Variants in COL11A1 observed in about 807,000 individuals in gnomAD.
The protein encoded by COL11A1 is collagen alpha-1(XI) chain.
In COL11A1, 74 loss-of-function variants were observed where a neutral mutation model predicts 265.2. The ratio of observed to expected loss-of-function variants is 0.28; its 90% CI spans 0.23 to 0.34. COL11A1 has a LOEUF of 0.34. Ranked by LOEUF, COL11A1 falls within the 10% of genes least tolerant of loss-of-function variation. The pLI is 1.00. For synonymous variants in COL11A1, 816 were observed against 727.6 expected (o/e 1.12, Z -1.96); for missense variants, 2,165 against 2,263.6 (o/e 0.96, Z 0.88).
intron 15 of COL11A1, among the ~76,000 whole-genome samples, 166 bp downstream of exon 15, chr1:103,008,297 C>T (rs985892849): frequency 1.3e-5 from 2 of 152,022 alleles, no homozygotes; most frequent in Admixed American, 6.6e-5. Flanking sequence ...ACCCAAATAT[C>T]GTAATCAGTT....
chr1:102,958,464 A>G (rs1660581748), intron 41 of COL11A1, among the ~76,000 whole-genome samples: 2 of 152,184 alleles, frequency 1.3e-5, no homozygotes, highest in Non-Finnish European at 2.9e-5. Context: ...GTCATTTGGA[A>G]TTAAAAAATT....
chr1:103,028,858 A>G (rs1667764106), intron 5 of COL11A1, among the ~76,000 whole-genome samples: 1 of 152,176 alleles, frequency 6.6e-6, no homozygotes. Flanking sequence ...AAGAAAGAAT[A>G]TCAAAAGGAA....
intron 5 of COL11A1, among the ~76,000 whole-genome samples, chr1:103,027,932 C>CT (rs1667676538): frequency 6.6e-6 from 1 of 152,174 alleles, no homozygotes; most frequent in South Asian, 2.1e-4. Context: ...CAAATGTTGA[C>CT]TAACCAGGCT....
intron 15 of COL11A1, among the ~76,000 whole-genome samples, chr1:103,006,817 C>A (rs573628872): frequency 6.6e-6 from 1 of 152,100 alleles, no homozygotes; most frequent in South Asian, 2.1e-4. Context: ...CGTGAGCCAC[C>A]GCGCCCGGCC....
intron 4 of COL11A1, among the ~76,000 whole-genome samples, chr1:103,055,987 A>T (rs905916543): frequency 1.3e-5 from 2 of 152,230 alleles, no homozygotes; most frequent in African/African-American, 4.8e-5. Flanking sequence ...TCTGTAAATT[A>T]TGCAGATTAT....
At chr1:102,917,960 A>G (rs906728041) in intron 49 of COL11A1, among the ~76,000 whole-genome samples, 3 of 151,634 alleles carry the variant, frequency 2.0e-5, no homozygotes, top group African/African-American at 7.2e-5. Flanking sequence ...GTAAAATGAC[A>G]ATTAGCTAAA....
intron 5 of COL11A1, among the ~76,000 whole-genome samples, chr1:103,028,037 G>T (rs1346024213): frequency 1.3e-5 from 2 of 151,752 alleles, no homozygotes; most frequent in African/African-American, 4.8e-5. Context: ...GTTTTGTTTT[G>T]TTTTGTTTTT....
chr1:102,974,947 T>C (rs569692648), intron 35 of COL11A1, 64 bp from the exon 36 acceptor site: 1 of 1,217,900 alleles, frequency 8.2e-7, no homozygotes, highest in Admixed American at 1.7e-5. Flanking sequence ...CTTTATACTT[T>C]GAGGTTTATT....
At chr1:102,926,569 T>G (rs777542939) in intron 46 of COL11A1, among the ~76,000 whole-genome samples, 2 of 152,170 alleles carry the variant, frequency 1.3e-5, no homozygotes, top group Non-Finnish European at 2.9e-5. Context: ...CATCATTCAG[T>G]TTCCTGATTT....
chr1:103,074,865 T>A, intron 3 of COL11A1, 85 bp from the exon 4 acceptor site: 1 of 1,467,772 alleles, frequency 6.8e-7, no homozygotes, highest in Non-Finnish European at 9.4e-7. Context: ...CTGTGTATTT[T>A]AAATTATAAA....
At chr1:103,099,523 A>T (rs1461675299) in intron 1 of COL11A1, among the ~76,000 whole-genome samples, 2 of 150,752 alleles carry the variant, frequency 1.3e-5, no homozygotes, top group Non-Finnish European at 3.0e-5. Flanking sequence ...CTAATAAGCA[A>T]AGTCAGACAA....
In COL11A1 at chr1:103,025,530, C is replaced by T; in HGVS notation, c.981G>A (p.Gly327=). ...TGTCTATACGTATTACCTCATTTGTCCCAGAAACATGCCTAGGAGCTTCTG... is the reference window on the plus strand; with the variant it reads ...TGTCTATACGTATTACCTCATTTGTTCCAGAAACATGCCTAGGAGCTTCTG... The part of the protein sequence containing the change: ...YQTEAPRHVS[G]TNEPNPVEEI... Residue 327 remains glycine (G), a synonymous_variant, in exon 7 of 67, where the codon GGG becomes GGA. Coordinates refer to ENST00000370096, the MANE Select transcript of COL11A1 (RefSeq NM_001854.4). The T allele has an allele frequency of 6.2e-7, 1 of 1,611,164 alleles. No individual in the cohort carries two copies. Among genetic ancestry groups the T allele is most frequent in the Non-Finnish European group, 8.5e-7 (1 of 1,177,618 alleles).
Position 102,962,698 on chromosome 1 carries a change from A to G in COL11A1, c.2979T>C (p.Pro993=). 2 of 1,614,138 alleles carry G rather than the reference A, an allele frequency of 1.2e-6. No homozygotes were observed. The highest frequency in any genetic ancestry group is 1.7e-6 in the Non-Finnish European group (2 of 1,179,996). The change falls in exon 39 of 67, where the codon CCT becomes CCC. Residue 993 remains proline, a synonymous_variant. Coordinates refer to ENST00000370096, the MANE Select transcript of COL11A1 (RefSeq NM_001854.4). The stretch of plus-strand genomic sequence containing the variant: ...CAGCACCAGGAAGACCTTGCTCACC[A>G]GGAGGGCCAGGAGGGCCAGGATGCC... ...ERGHPGPPGP[P]GEQGLPGAAG...
intron 46 of COL11A1, among the ~76,000 whole-genome samples, chr1:102,933,425 C>T (rs1657747618): frequency 6.6e-6 from 1 of 150,522 alleles, no homozygotes; most frequent in Admixed American, 6.6e-5. Context: ...GTCAGGGACC[C>T]ACTTGAGGAG....
intron 55 of COL11A1, 71 bp from the exon 56 acceptor site, chr1:102,898,844 G>T: frequency 7.0e-7 from 1 of 1,418,924 alleles, no homozygotes; most frequent in East Asian, 2.5e-5. Flanking sequence ...TAAATGCACT[G>T]AAAAAAGTAG....
At chr1:103,053,904 C>T in intron 4 of COL11A1, among the ~76,000 whole-genome samples, 1 of 152,122 alleles carries the variant, frequency 6.6e-6, no homozygotes, top group East Asian at 1.9e-4. Flanking sequence ...TATAAAACCT[C>T]CTTTTAGAAA....
intron 64 of COL11A1, among the ~76,000 whole-genome samples, chr1:102,882,481 A>C (rs1399996321): frequency 6.6e-6 from 1 of 152,070 alleles, no homozygotes; most frequent in Non-Finnish European, 1.5e-5. Context: ...CCCACTCTTT[A>C]CTCAGAAACT....
chr1:102,886,690 C>T, intron 63 of COL11A1, 117 bp downstream of exon 63: 2 of 1,388,276 alleles, frequency 1.4e-6, no homozygotes, highest in Non-Finnish European at 2.0e-6. Flanking sequence ...TAATTAATAA[C>T]TGTTTCATTT....
intron 28 of COL11A1, among the ~76,000 whole-genome samples, chr1:102,991,399 T>C (rs1036920112): frequency 7.9e-4 from 120 of 151,864 alleles, no homozygotes; most frequent in African/African-American, 2.8e-3. Flanking sequence ...ATCCTAATCG[T>C]ATCAAATTGC....
Sources: allele counts gnomAD v4.1 joint callset (sites outside exome capture counted in the v4.1 genomes callset), GRCh38; gene constraint gnomAD v4.1.1; transcripts MANE v1.5; gene names NCBI Gene and HGNC (gene_info 2026-07-23, HGNC 2026-07-21).